Variants in RIMBP2 observed in about 807,000 individuals in gnomAD.
RIMBP2 encodes the protein RIMS binding protein 2.
RIMBP2 carries 48 observed loss-of-function variants against 118.6 expected under a neutral mutation model. The ratio of observed to expected loss-of-function variants is 0.40; its 90% CI spans 0.32 to 0.51. RIMBP2 has a LOEUF of 0.51. RIMBP2 is among the 20% of genes least tolerant of loss of function. RIMBP2 has a pLI of 0.41. For synonymous variants in RIMBP2, 762 were observed against 742.9 expected (o/e 1.03, Z -0.42); for missense variants, 1,551 against 1,768.3 (o/e 0.88, Z 2.20).
In RIMBP2 at chr12:130,417,438, A is replaced by G. The variant is rs548936607; in HGVS notation, c.3239-3132T>C. ...GAACAAAATCACGTCCTCTGCAGCCACTGGAGGCCATCATCCCAAGAAAAT... is the reference window on the plus strand; with the variant it reads ...GAACAAAATCACGTCCTCTGCAGCCGCTGGAGGCCATCATCCCAAGAAAAT... On this transcript the variant is annotated intron_variant, in intron 17 of 22. Transcript: ENST00000690449. Among the ~76,000 whole-genome samples, 473 of 152,356 alleles carry G rather than the reference A, an allele frequency of 3.1e-3. 1 individual carries two copies. The highest frequency in any genetic ancestry group is 0.011 in the African/African-American group (454 of 41,590).
At chr12:130,552,678 A>G (rs1386037966) in intron 2 of RIMBP2, among the ~76,000 whole-genome samples, 1 of 152,242 alleles carries the variant, frequency 6.6e-6, no homozygotes, top group African/African-American at 2.4e-5. Flanking sequence ...TACAAAAATT[A>G]GTAGACAAAT....
At chr12:130,498,192 A>G (rs11060951) in intron 4 of RIMBP2, among the ~76,000 whole-genome samples, 152 of 108,732 alleles carry the variant, frequency 1.4e-3, no homozygotes, top group Middle Eastern at 0.01. Flanking sequence ...CCGGCTGCCC[A>G]GTCATTCTCC....
chr12:130,437,326 G>A (rs549019984), intron 12 of RIMBP2, 35 bp from the exon 13 acceptor site: 25 of 1,524,116 alleles, frequency 1.6e-5, no homozygotes, highest in East Asian at 1.2e-4. Flanking sequence ...CGGGCTGCCC[G>A]AGGTGAGCCC....
At chr12:130,502,410 G>C (rs1308061375) in intron 4 of RIMBP2, among the ~76,000 whole-genome samples, 1 of 151,996 alleles carries the variant, frequency 6.6e-6, no homozygotes, top group South Asian at 2.1e-4. Context: ...CCCAATCCGG[G>C]TTTCATTTTT....
intron 2 of RIMBP2, among the ~76,000 whole-genome samples, chr12:130,596,728 C>A (rs59135317): frequency 0.019 from 2,862 of 152,294 alleles, 102 homozygotes; most frequent in African/African-American, 0.066. Context: ...CTAACAGCCC[C>A]ACTGATATTC....
chr12:130,436,093 G>A (rs921198753), intron 13 of RIMBP2, among the ~76,000 whole-genome samples: 2 of 152,220 alleles, frequency 1.3e-5, no homozygotes, highest in Non-Finnish European at 2.9e-5. Context: ...AGATGAGAGC[G>A]GGTTCTGGGT....
At chr12:130,455,158 G>A (rs1336921155) in intron 7 of RIMBP2, among the ~76,000 whole-genome samples, 1 of 152,260 alleles carries the variant, frequency 6.6e-6, no homozygotes, top group Non-Finnish European at 1.5e-5. Flanking sequence ...CCCTTCACGG[G>A]AGGGAGAGAG....
intron 2 of RIMBP2, among the ~76,000 whole-genome samples, chr12:130,550,915 A>C (rs2055708076): frequency 6.6e-6 from 1 of 152,206 alleles, no homozygotes; most frequent in African/African-American, 2.4e-5. Flanking sequence ...GTAATCATGA[A>C]GTTACTGAGA....
intron 1 of RIMBP2, among the ~76,000 whole-genome samples, chr12:130,667,033 GAGGGAGGA>G (rs2063954734): frequency 7.5e-6 from 1 of 132,586 alleles, no homozygotes; most frequent in Non-Finnish European, 1.6e-5. Flanking sequence ...GAAAGAAGAA[GAGGGAGGA>G]AGGGAGGGAG....
At position 130,620,526 on chromosome 12, in the gene RIMBP2, G is replaced by A. The variant is rs1175445266; in HGVS notation, c.-217+7796C>T. ...GGAGGCTTGAAGAACAGGCATGCAC[G>A]GCCCCACAGTCCCAGGGGCCAGATG... On this transcript the variant is annotated intron_variant, in intron 2 of 22. Coordinates refer to ENST00000690449, the MANE Select transcript of RIMBP2 (RefSeq NM_001393629.1). The surrounding 1 kb of genome is among the most constrained non-coding windows in gnomAD (Gnocchi z 5.3). 4.6e-5 allele frequency among the ~76,000 whole-genome samples: 7 copies of A among 152,204 alleles called. No homozygotes were observed. Among genetic ancestry groups the A allele is most frequent in the African/African-American group, 1.2e-4 (5 of 41,464 alleles).
intron 6 of RIMBP2, chr12:130,470,266 A>T (rs2137862693): frequency 6.3e-6 from 1 of 158,788 alleles, no homozygotes; most frequent in Admixed American, 6.5e-5. Context: ...GTCATACCTT[A>T]AAAAGGTACC....
intron 2 of RIMBP2, among the ~76,000 whole-genome samples, chr12:130,549,011 AG>A (rs1393262290): frequency 6.6e-6 from 1 of 152,222 alleles, no homozygotes; most frequent in African/African-American, 2.4e-5. Flanking sequence ...ATTCTGCAAA[AG>A]TATCTCTGTG....
rs1056390302 is a variant in RIMBP2, at chr12:130,559,913, G to A, written c.-216-41996C>T. On this transcript the variant is annotated intron_variant, in intron 2 of 22. Coordinates refer to ENST00000690449, the MANE Select transcript of RIMBP2 (RefSeq NM_001393629.1). ...AATGAACAACGGTAACACCTGCCTCGAAGGGTTGTTTAGGACATGCTCTGC... is the reference window on the plus strand; with the variant it reads ...AATGAACAACGGTAACACCTGCCTCAAAGGGTTGTTTAGGACATGCTCTGC... 7.2e-5 allele frequency among the ~76,000 whole-genome samples: 11 copies of A among 152,208 alleles called. No individual in the cohort carries two copies. The East Asian group carries it at 1.9e-3, about 27-fold the overall frequency.
intron 4 of RIMBP2, among the ~76,000 whole-genome samples, chr12:130,495,008 A>G (rs2049011415): frequency 1.3e-5 from 2 of 151,828 alleles, no homozygotes; most frequent in East Asian, 3.9e-4. Flanking sequence ...CTTTGACCAG[A>G]AGACACCTCA....
chr12:130,666,340 G>A (rs1205104890), intron 1 of RIMBP2, among the ~76,000 whole-genome samples: 1 of 152,134 alleles, frequency 6.6e-6, no homozygotes, highest in African/African-American at 2.4e-5. Flanking sequence ...CCAAACCCTG[G>A]AGGACTCTCT....
chr12:130,548,910 C>T (rs1043078417), intron 2 of RIMBP2, among the ~76,000 whole-genome samples: 3 of 152,064 alleles, frequency 2.0e-5, no homozygotes, highest in African/African-American at 2.4e-5. Flanking sequence ...TTGTTTTAAT[C>T]GGGTGAGACC....
Position 130,543,096 on chromosome 12 carries a change from A to G in RIMBP2, c.-216-25179T>C, listed in dbSNP as rs148660308. ...TTGTAGTTCCCACATTTATCTTTCAATATTCTGCCCTAATGAGGCTGTCAG... is the reference window on the plus strand; with the variant it reads ...TTGTAGTTCCCACATTTATCTTTCAGTATTCTGCCCTAATGAGGCTGTCAG... On this transcript the variant is annotated intron_variant, in intron 2 of 22. Coordinates refer to ENST00000690449, the MANE Select transcript of RIMBP2 (RefSeq NM_001393629.1). 1.6e-3 allele frequency among the ~76,000 whole-genome samples: 246 copies of G among 152,304 alleles called. 5 individuals carry two copies. In the South Asian group the frequency reaches 0.022, roughly 14 times the overall value.
intron 3 of RIMBP2, among the ~76,000 whole-genome samples, chr12:130,512,673 C>A (rs991659786): frequency 6.6e-6 from 1 of 152,164 alleles, no homozygotes; most frequent in African/African-American, 2.4e-5. Flanking sequence ...TGGATGTTCT[C>A]AAGGGCCAAA....
intron 4 of RIMBP2, among the ~76,000 whole-genome samples, chr12:130,491,410 C>T (rs995032962): frequency 4.6e-5 from 7 of 152,198 alleles, no homozygotes; most frequent in South Asian, 2.1e-4. Context: ...CTCATATTTG[C>T]GGGATGTGCT....
Sources: gnomAD v4.1 joint callset for allele counts (sites outside exome capture counted in the v4.1 genomes callset) on GRCh38, gnomAD v4.1.1 for gene constraint, Gnocchi (gnomAD v3.1) non-coding constraint, MANE v1.5 for transcripts, NCBI Gene and HGNC (gene_info 2026-07-23, HGNC 2026-07-21) for gene names.